SRBD1: variants seen among roughly 807,000 people sequenced by gnomAD.
SRBD1 encodes the protein S1 RNA-binding domain-containing protein 1.
In SRBD1, 88 loss-of-function variants were observed where a neutral mutation model predicts 115.3. That is an observed-to-expected ratio of 0.76 (90% confidence interval 0.64 to 0.91). SRBD1 has a LOEUF of 0.91. Ranked by LOEUF, SRBD1 falls within the 40% of genes least tolerant of loss-of-function variation. The probability of loss-of-function intolerance (pLI) is 0.00; values close to 1 mark genes in which losing one functional copy is unlikely to be tolerated. For missense variants in SRBD1, 1,385 were observed against 1,177.4 expected (o/e 1.18, Z -2.58); for synonymous variants, 509 against 407.7 (o/e 1.25, Z -2.99).
chr2:45,464,769 G>A (rs904446216), intron 16 of SRBD1, among the ~76,000 whole-genome samples: 3 of 152,088 alleles, frequency 2.0e-5, no homozygotes, highest in Non-Finnish European at 4.4e-5. Context: ...ATGTGTAAAT[G>A]AGACAGAATA....
intron 14 of SRBD1, among the ~76,000 whole-genome samples, chr2:45,528,856 G>A (rs774120320): frequency 2.5e-4 from 38 of 151,896 alleles, no homozygotes; most frequent in Non-Finnish European, 4.4e-4. Flanking sequence ...AAACAGCAGT[G>A]TACGAAACTG....
intron 14 of SRBD1, among the ~76,000 whole-genome samples, chr2:45,517,221 T>C (rs1268107262): frequency 1.3e-5 from 2 of 152,232 alleles, no homozygotes; most frequent in African/African-American, 4.8e-5. Flanking sequence ...TCTCTTCCTA[T>C]TGTTTTCTAT....
In SRBD1 at chr2:45,543,976, C is replaced by A. The variant is rs1295849597; in HGVS notation, c.1874+2756G>T. ...TAAATTGCAACAAAATGGGGCTCTT[C>A]TGAAAGAAAATGCCTAATAGAGACT... On this transcript the variant is annotated intron_variant, in intron 14 of 20. Transcript: ENST00000263736. Among the ~76,000 whole-genome samples the A allele has an allele frequency of 2.0e-5, 3 of 152,188 alleles. No individual in the cohort carries two copies. In the East Asian group the frequency reaches 5.8e-4, roughly 29 times the overall value.
chr2:45,396,411 A>C (rs925801132), intron 19 of SRBD1, among the ~76,000 whole-genome samples: 3 of 152,196 alleles, frequency 2.0e-5, no homozygotes, highest in African/African-American at 7.2e-5. Flanking sequence ...ATGAATTATT[A>C]AAGTCATATT....
chr2:45,581,749 C>CA lies in SRBD1; in HGVS notation c.876dup (p.Glu293Ter), dbSNP rs1259570110. 2 of 1,613,592 alleles carry CA rather than the reference C, an allele frequency of 1.2e-6. No individual in the cohort carries two copies. Among genetic ancestry groups the CA allele is most frequent in the South Asian group, 2.2e-5 (2 of 91,058 alleles). ...TTCAGCATGGCTTTTAACAAGCACT[C>CA]AGACATCTTCCCTTCCTTCTTAATT... On this transcript the variant is annotated frameshift_variant, in exon 6 of 21. Coordinates refer to ENST00000263736, the MANE Select transcript of SRBD1 (RefSeq NM_018079.5). LOFTEE classifies it high-confidence loss of function.
chr2:45,407,351 C>G (rs1156400318), intron 19 of SRBD1, among the ~76,000 whole-genome samples: 2 of 152,110 alleles, frequency 1.3e-5, no homozygotes, highest in Non-Finnish European at 2.9e-5. Context: ...TTTTAAAAAC[C>G]TACCCTAAAT....
chr2:45,596,726 G>T (rs900071611), intron 4 of SRBD1, among the ~76,000 whole-genome samples: 1 of 152,074 alleles, frequency 6.6e-6, no homozygotes, highest in Non-Finnish European at 1.5e-5. Flanking sequence ...TAAATAAATG[G>T]TAAGTATTAT....
intron 16 of SRBD1, among the ~76,000 whole-genome samples, chr2:45,429,019 C>T (rs1572630902): frequency 6.6e-6 from 1 of 152,170 alleles, no homozygotes; most frequent in South Asian, 2.1e-4. Context: ...CTATAAACAC[C>T]TTTACGCAAA....
intron 19 of SRBD1, among the ~76,000 whole-genome samples, chr2:45,409,046 C>T (rs1041940553): frequency 3.3e-5 from 5 of 152,058 alleles, no homozygotes; most frequent in African/African-American, 1.2e-4. Flanking sequence ...TGGTGAAGCC[C>T]CGTTTCTACT....
rs746591860 is a variant in SRBD1 at position 45,585,712 on chromosome 2, A to T, written c.711T>A (p.Asn237Lys). The change falls in exon 5 of 21, where the codon AAT (asparagine) becomes AAA (lysine). Residue 237 changes from asparagine to lysine, a missense_variant. Physicochemically the swap from Asn to Lys is moderately conservative, Grantham distance 94. Coordinates refer to ENST00000263736, the MANE Select transcript of SRBD1 (RefSeq NM_018079.5). ...TAATGAAGGGAATTGTGTTATCATC[A>T]TTAAAGAGACGAATGATGTTGGCAC... ...WVCANIIRLF[N>K]DDNTIPFIIR... The T allele has an allele frequency of 4.3e-6, 7 of 1,612,492 alleles. No individual in the cohort carries two copies. The highest frequency in any genetic ancestry group is 1.1e-5 in the South Asian group (1 of 90,706).
chr2:45,602,092 A>C lies in SRBD1; in HGVS notation c.81-9T>G, dbSNP rs1307608903. The C allele has an allele frequency of 6.2e-7, 1 of 1,604,420 alleles. No homozygotes were observed. On this transcript the variant is annotated splice_polypyrimidine_tract_variant and intron_variant, in intron 2 of 20. Coordinates refer to ENST00000263736, the MANE Select transcript of SRBD1 (RefSeq NM_018079.5). The stretch of plus-strand genomic sequence containing the variant: ...CTTCAGAGGCAGATGATCTAGAAGT[A>C]AATCAACAGAATAATCTCCAGGAAA...
At position 45,389,354 on chromosome 2, in the gene SRBD1, T is replaced by C. The variant is rs1666933347; in HGVS notation, c.2944A>G (p.Ile982Val). Residue 982 changes from isoleucine to valine, a missense_variant, in exon 21 of 21, where the codon ATC becomes GTC. Ile to Val is a conservative substitution (Grantham distance 29). Coordinates refer to ENST00000263736, the MANE Select transcript of SRBD1 (RefSeq NM_018079.5). ...RVEVQVLNID[I>V]PRSRITLDLI... ...TCCAGAGTAATCCTAGATCGGGGGA[T>C]GTCAATGTTGAGTACTTGGACTTCC... 1 of 1,614,036 alleles carries C rather than the reference T, an allele frequency of 6.2e-7. No homozygotes were observed. The highest frequency in any genetic ancestry group is 8.5e-7 in the Non-Finnish European group (1 of 1,179,930).
chr2:45,573,439 A>C lies in SRBD1; in HGVS notation c.1170-97T>G, dbSNP rs1673083382. 6 of 1,428,172 alleles carry C rather than the reference A, an allele frequency of 4.2e-6. No individual in the cohort carries two copies. The South Asian group carries it at 8.5e-5, about 20-fold the overall frequency. 88.5% of individuals were successfully genotyped at this position (1,428,172 alleles called of 1,614,324 possible). A position where few individuals can be genotyped will look rare whatever the true frequency, so the allele number is the denominator to read the frequency against. On this transcript the variant is annotated intron_variant, in intron 8 of 20. Transcript: ENST00000263736. ...TAAGGATAGCAAAAAAAGTTAAGCC[A>C]TTACCAAGTGAGTTTTTTTAATGAT...
intron 12 of SRBD1, among the ~76,000 whole-genome samples, chr2:45,550,596 G>C (rs115593138): frequency 1.5e-3 from 226 of 151,178 alleles, no homozygotes; most frequent in African/African-American, 5.0e-3. Flanking sequence ...AGGCAAAACA[G>C]AGATGTTTTC....
At chr2:45,441,888 G>A (rs1401381690) in intron 16 of SRBD1, among the ~76,000 whole-genome samples, 1 of 152,132 alleles carries the variant, frequency 6.6e-6, no homozygotes, top group African/African-American at 2.4e-5. Context: ...ATAGCCATAG[G>A]CCCTCCCACT....
At chr2:45,450,279 G>T (rs1326205379) in intron 16 of SRBD1, among the ~76,000 whole-genome samples, 1 of 152,104 alleles carries the variant, frequency 6.6e-6, no homozygotes, top group African/African-American at 2.4e-5. Flanking sequence ...CGAATTCAAA[G>T]TTCCTTAAGG....
At chr2:45,427,850 C>T (rs1668204898) in intron 16 of SRBD1, among the ~76,000 whole-genome samples, 1 of 152,136 alleles carries the variant, frequency 6.6e-6, no homozygotes, top group African/African-American at 2.4e-5. Flanking sequence ...ATTCATAAAG[C>T]AAGTTCTTAG....
chr2:45,606,474 T>C (rs1202963871), intron 1 of SRBD1, among the ~76,000 whole-genome samples: 7 of 152,200 alleles, frequency 4.6e-5, no homozygotes, highest in Non-Finnish European at 1.0e-4. Flanking sequence ...CTATATATTC[T>C]TAATGAATAA....
intron 4 of SRBD1, among the ~76,000 whole-genome samples, chr2:45,597,588 AG>A (rs1439794172): frequency 6.6e-6 from 1 of 152,246 alleles, no homozygotes; most frequent in Admixed American, 6.5e-5. Context: ...GAGAAGCAGC[AG>A]AAATTGGTGA....
Sources: allele counts gnomAD v4.1 joint callset (sites outside exome capture counted in the v4.1 genomes callset), GRCh38; gene constraint gnomAD v4.1.1; transcripts MANE v1.5; gene names NCBI Gene and HGNC (gene_info 2026-07-23, HGNC 2026-07-21).